Variants in RBFOX3 observed in about 807,000 individuals in gnomAD.
RBFOX3 encodes RNA binding protein fox-1 homolog 3.
RBFOX3 carries 17 observed loss-of-function variants against 48.7 expected under a neutral mutation model. The observed-to-expected ratio is 0.35, with a 90% CI of 0.24 to 0.52. RBFOX3 has a LOEUF of 0.52. Among genes scored for constraint, RBFOX3 ranks in the 20% least tolerant of loss-of-function variants. The pLI is 0.94. For synonymous variants in RBFOX3, 212 were observed against 209.5 expected, an observed-to-expected ratio of 1.01 and a Z score of -0.10; for missense variants, 382 against 497.5, an observed-to-expected ratio of 0.77 and a Z score of 2.21.
chr17:79,183,138 G>T, intron 4 of RBFOX3: 1 of 148,046 alleles, frequency 6.8e-6, no homozygotes, highest in South Asian at 1.8e-4. Flanking sequence ...GCCATGACGC[G>T]GGGAGCGCAG....
intron 2 of RBFOX3, among the ~76,000 whole-genome samples, chr17:79,405,265 A>T (rs1426407889): frequency 6.6e-6 from 1 of 152,030 alleles, no homozygotes; most frequent in Non-Finnish European, 1.5e-5. Context: ...TGCATCACAC[A>T]TCTGAGCCCA....
At chr17:79,664,446 A>C in the RBFOX3 span, among the ~76,000 whole-genome samples, 6,690 of 151,540 alleles carry the variant, frequency 0.044, 476 homozygotes, top group African/African-American at 0.15. Context: ...CCCGGGGTTC[A>C]CGCCATTCTC....
intron 2 of RBFOX3, among the ~76,000 whole-genome samples, chr17:79,476,780 A>C (rs1309123113): frequency 1.3e-5 from 2 of 152,006 alleles, no homozygotes; most frequent in Non-Finnish European, 2.9e-5. Flanking sequence ...AGTGCAGAAA[A>C]GCCTGAAGTG....
At chr17:79,503,090 C>T (rs1264796673) in intron 1 of RBFOX3, among the ~76,000 whole-genome samples, 2 of 152,166 alleles carry the variant, frequency 1.3e-5, no homozygotes, top group African/African-American at 4.8e-5. Context: ...TTCCCTGCAT[C>T]CTCATGTGGA....
chr17:79,117,199 C>T (rs1490515627), intron 4 of RBFOX3, among the ~76,000 whole-genome samples: 1 of 152,228 alleles, frequency 6.6e-6, no homozygotes, highest in African/African-American at 2.4e-5. Context: ...GAGGAGGCCC[C>T]ACTGCCTGGA....
At chr17:79,629,623 C>T in the RBFOX3 span, among the ~76,000 whole-genome samples, 4 of 152,236 alleles carry the variant, frequency 2.6e-5, no homozygotes, top group East Asian at 1.9e-4. Context: ...ACCTTTAACT[C>T]GGCAATTCCA....
In RBFOX3 at chr17:79,252,237, G is replaced by A. The variant is rs12450059; in HGVS notation, c.-73-16432C>T. ...AACTTCAGAGGTCTGGCTTCAACCC[G>A]CACCCTGATGCCAGCAATGCCCACT... On this transcript the variant is annotated intron_variant, in intron 3 of 14. Coordinates refer to ENST00000693108, the MANE Select transcript of RBFOX3 (RefSeq NM_001350451.2). This position sits in a 1 kb window ranked among gnomAD's most constrained non-coding sequence, Gnocchi z 4.0. Among the ~76,000 whole-genome samples, 35,536 of 151,990 alleles carry A rather than the reference G, an allele frequency of 0.23. 4,447 individuals are homozygous for A. Among genetic ancestry groups the A allele is most frequent in the Non-Finnish European group, 0.29 (19,407 of 67,962 alleles).
At chr17:79,095,273 G>A (rs544523291) in intron 13 of RBFOX3, among the ~76,000 whole-genome samples, 1 of 152,292 alleles carries the variant, frequency 6.6e-6, no homozygotes, top group African/African-American at 2.4e-5. Flanking sequence ...CTGGGAATCA[G>A]AGATGCGGTC....
chr17:79,212,884 T>C lies in RBFOX3; in HGVS notation c.-34+22882A>G, dbSNP rs143309636. On this transcript the variant is annotated intron_variant, in intron 4 of 14. Transcript: ENST00000693108. This position sits in a 1 kb window ranked among gnomAD's most constrained non-coding sequence, Gnocchi z 4.7. ...CAGCTACAGTGTTTGAGTTGGAGTC[T>C]GGCTCTGTTGCCCAGGCTGGAGTGC... Among the ~76,000 whole-genome samples, 17 of 152,320 alleles carry C rather than the reference T, an allele frequency of 1.1e-4. No homozygotes were observed. The East Asian group carries it at 3.3e-3, about 29-fold the overall frequency.
Position 79,558,006 on chromosome 17 carries a change from C to G in RBFOX3, c.-320+52820G>C, listed in dbSNP as rs910197460. On this transcript the variant is annotated intron_variant, in intron 1 of 14. Transcript: ENST00000693108. ...AGCTTGAAGAAAAATTACAAACACTCAAATCTAAGAGGAGAAAAAAGCAGC... is the reference window on the plus strand; with the variant it reads ...AGCTTGAAGAAAAATTACAAACACTGAAATCTAAGAGGAGAAAAAAGCAGC... Among the ~76,000 whole-genome samples the G allele has an allele frequency of 1.0e-3, 159 of 152,238 alleles. 3 individuals carry two copies. Among genetic ancestry groups the G allele is most frequent in the African/African-American group, 3.3e-3 (139 of 41,542 alleles).
chr17:79,109,034 A>G (rs2077989653), intron 5 of RBFOX3, among the ~76,000 whole-genome samples: 1 of 152,240 alleles, frequency 6.6e-6, no homozygotes, highest in Non-Finnish European at 1.5e-5. Flanking sequence ...GCGCTGCAGG[A>G]CCTGTCTCAG....
intron 2 of RBFOX3, among the ~76,000 whole-genome samples, chr17:79,415,742 A>G (rs1000004102): frequency 6.6e-6 from 1 of 152,134 alleles, no homozygotes. Flanking sequence ...CGTTTAGGTG[A>G]AACTCTTCTT....
intron 3 of RBFOX3, among the ~76,000 whole-genome samples, chr17:79,250,110 TATTACTGC>T (rs2063719853): frequency 6.6e-6 from 1 of 152,220 alleles, no homozygotes; most frequent in Non-Finnish European, 1.5e-5. Context: ...TCAGAAAGAC[TATTACTGC>T]TCAGCAATTG....
At chr17:79,412,210 T>C (rs2148598360) in intron 2 of RBFOX3, among the ~76,000 whole-genome samples, 1 of 150,812 alleles carries the variant, frequency 6.6e-6, no homozygotes, top group East Asian at 2.0e-4. Flanking sequence ...ATAGTGTGTA[T>C]GTGTGTCATG....
chr17:79,637,746 GGGAGA>G, the RBFOX3 span, among the ~76,000 whole-genome samples: 4 of 123,248 alleles, frequency 3.2e-5, no homozygotes, highest in Admixed American at 1.6e-4. Flanking sequence ...GGGAGGGGAG[GGGAGA>G]GGAGAGGAGG....
the RBFOX3 span, among the ~76,000 whole-genome samples, chr17:79,623,756 G>C: frequency 6.6e-6 from 1 of 151,336 alleles, no homozygotes; most frequent in Non-Finnish European, 1.5e-5. Context: ...CAGGAGATGG[G>C]GATTGCAGTC....
chr17:79,477,968 C>A lies in RBFOX3; in HGVS notation c.-175+4486G>T, dbSNP rs2078186089. ...TCCACCCAGGAGCACCTAGGACGAG[C>A]TCCTGCAAAAGGAATGCATTCACTG... On this transcript the variant is annotated intron_variant, in intron 2 of 14. Coordinates refer to ENST00000693108, the MANE Select transcript of RBFOX3 (RefSeq NM_001350451.2). This position sits in a 1 kb window ranked among gnomAD's most constrained non-coding sequence, Gnocchi z 4.8. Among the ~76,000 whole-genome samples, 1 of 152,168 alleles carries A rather than the reference C, an allele frequency of 6.6e-6. No individual in the cohort carries two copies.
At chr17:79,522,886 C>T (rs905795947) in intron 1 of RBFOX3, among the ~76,000 whole-genome samples, 51 of 142,848 alleles carry the variant, frequency 3.6e-4, no homozygotes, top group African/African-American at 1.4e-3. Flanking sequence ...GCCAAGATCA[C>T]GCCACTGCAC....
chr17:79,402,802 C>T (rs2062985151), intron 2 of RBFOX3, among the ~76,000 whole-genome samples: 1 of 152,182 alleles, frequency 6.6e-6, no homozygotes, highest in Non-Finnish European at 1.5e-5. Flanking sequence ...CACCCTCTGC[C>T]TCTGACCCGG....
Sources: allele counts gnomAD v4.1 joint callset (sites outside exome capture counted in the v4.1 genomes callset), GRCh38; gene constraint gnomAD v4.1.1; non-coding constraint Gnocchi (gnomAD v3.1); transcripts MANE v1.5; gene names NCBI Gene and HGNC (gene_info 2026-07-23, HGNC 2026-07-21).